PDE3A: variants seen among roughly 807,000 people sequenced by gnomAD.
PDE3A encodes the protein phosphodiesterase 3A.
In PDE3A, 43 loss-of-function variants were observed where a neutral mutation model predicts 98.3. The observed-to-expected ratio is 0.44, with a 90% CI of 0.34 to 0.56. The LOEUF is 0.56. Ranked by LOEUF, PDE3A falls within the 20% of genes least tolerant of loss-of-function variation. The probability of loss-of-function intolerance (pLI) is 0.01; values close to 1 mark genes in which losing one functional copy is unlikely to be tolerated. For synonymous variants in PDE3A, 663 were observed against 567.9 expected, an observed-to-expected ratio of 1.17 and a Z score of -2.38; for missense variants, 1,427 against 1,440.7, an observed-to-expected ratio of 0.99 and a Z score of 0.15.
At chr12:20,518,668 T>C (rs1946365466) in intron 1 of PDE3A, among the ~76,000 whole-genome samples, 1 of 152,228 alleles carries the variant, frequency 6.6e-6, no homozygotes, top group Admixed American at 6.5e-5. Flanking sequence ...CCATCTTTTT[T>C]TCCCCCTTTT....
chr12:20,571,947 A>AAAT lies in PDE3A; in HGVS notation c.1011+15238_1011+15240dup, dbSNP rs1403432128. The AAAT allele has an allele frequency of 2.8e-6, 3 of 1,055,720 alleles. No individual in the cohort carries two copies. In the African/African-American group the frequency reaches 5.2e-5, roughly 18 times the overall value. The allele number at this position is 1,055,720 out of a possible 1,614,324, so 65.4% of individuals were successfully genotyped here. Reference sequence around the variant, plus strand: ...GAATGAGAGTGGGGCATAAAATGGGAAATTTGAGCACACAGAACTTTCATT... The same window carrying AAAT: ...GAATGAGAGTGGGGCATAAAATGGGAAATAATTTGAGCACACAGAACTTTCATT... On this transcript the variant is annotated intron_variant, in intron 2 of 15. Transcript: ENST00000359062.
chr12:20,533,203 G>T (rs1941656850), intron 1 of PDE3A, among the ~76,000 whole-genome samples: 1 of 152,094 alleles, frequency 6.6e-6, no homozygotes, highest in Non-Finnish European at 1.5e-5. Context: ...TTTTTTTCAA[G>T]ATAGTTATTT....
intron 1 of PDE3A, among the ~76,000 whole-genome samples, chr12:20,421,611 A>C (rs1944512977): frequency 6.6e-6 from 1 of 151,392 alleles, no homozygotes; most frequent in Non-Finnish European, 1.5e-5. Flanking sequence ...AAAAAAAAAA[A>C]AAAACCACCC....
intron 1 of PDE3A, among the ~76,000 whole-genome samples, chr12:20,463,537 T>C (rs868236170): frequency 6.6e-6 from 1 of 152,178 alleles, no homozygotes; most frequent in Non-Finnish European, 1.5e-5. Context: ...TGAAGAATCA[T>C]CTAAGCCTAT....
intron 1 of PDE3A, chr12:20,553,121 C>T (rs1224723675): frequency 5.2e-6 from 4 of 773,166 alleles, no homozygotes; most frequent in Non-Finnish European, 8.2e-6. Flanking sequence ...GTGTTTCCTC[C>T]GTTCCCTAAA....
At chr12:20,370,389 G>T (rs181283253) in intron 1 of PDE3A, 145 bp downstream of exon 1, 37 of 425,114 alleles carry the variant, frequency 8.7e-5, no homozygotes, top group Middle Eastern at 6.7e-4. Flanking sequence ...AAACTAGCAG[G>T]TTTTTTTTTT....
At chr12:20,468,443 G>T (rs1046002076) in intron 1 of PDE3A, among the ~76,000 whole-genome samples, 2 of 152,132 alleles carry the variant, frequency 1.3e-5, no homozygotes, top group Non-Finnish European at 2.9e-5. Flanking sequence ...AAGACTGATT[G>T]TAAACATTAA....
intron 2 of PDE3A, among the ~76,000 whole-genome samples, chr12:20,601,361 G>A (rs1353154514): frequency 6.6e-6 from 1 of 152,158 alleles, no homozygotes; most frequent in Non-Finnish European, 1.5e-5. Context: ...GAAGCAGTCA[G>A]GGAAGATGTC....
At chr12:20,466,831 C>T (rs1272917513) in intron 1 of PDE3A, among the ~76,000 whole-genome samples, 1 of 152,142 alleles carries the variant, frequency 6.6e-6, no homozygotes, top group Non-Finnish European at 1.5e-5. Flanking sequence ...GTCCCAGTTA[C>T]TAAAGGTACC....
chr12:20,466,763 C>T (rs1044188252), intron 1 of PDE3A, among the ~76,000 whole-genome samples: 29 of 152,020 alleles, frequency 1.9e-4, no homozygotes, highest in African/African-American at 2.7e-4. Flanking sequence ...GTGTGATAGA[C>T]GAAGTTTGAA....
chr12:20,404,273 G>A (rs1944188319), intron 1 of PDE3A, among the ~76,000 whole-genome samples: 3 of 151,878 alleles, frequency 2.0e-5, no homozygotes, highest in Non-Finnish European at 4.4e-5. Flanking sequence ...TATCTCAGGG[G>A]GGATATATTA....
At chr12:20,539,466 A>T (rs942396470) in intron 1 of PDE3A, among the ~76,000 whole-genome samples, 2 of 152,158 alleles carry the variant, frequency 1.3e-5, no homozygotes, top group Non-Finnish European at 2.9e-5. Flanking sequence ...AAATAATTAC[A>T]CAAGGTTATT....
At chr12:20,407,945 A>G (rs1470389961) in intron 1 of PDE3A, among the ~76,000 whole-genome samples, 1 of 151,964 alleles carries the variant, frequency 6.6e-6, no homozygotes, top group East Asian at 1.9e-4. Flanking sequence ...TTTGAGACTA[A>G]ATGTTGCTCT....
intron 1 of PDE3A, among the ~76,000 whole-genome samples, chr12:20,383,930 G>A (rs1052558970): frequency 1.3e-5 from 2 of 151,894 alleles, no homozygotes; most frequent in Non-Finnish European, 1.5e-5. Flanking sequence ...TAGGTGTTAC[G>A]ATGTAAGAAG....
chr12:20,431,668 A>G (rs984251181), intron 1 of PDE3A, among the ~76,000 whole-genome samples: 13 of 151,872 alleles, frequency 8.6e-5, no homozygotes, highest in Admixed American at 4.6e-4. Context: ...CCTCACTGCT[A>G]TTTTGACGTA....
At chr12:20,545,429 A>G (rs935041712) in intron 1 of PDE3A, among the ~76,000 whole-genome samples, 5 of 152,022 alleles carry the variant, frequency 3.3e-5, no homozygotes, top group South Asian at 2.1e-4. Flanking sequence ...TTGAAATGCT[A>G]AGAATCAGAA....
At chr12:20,507,433 T>C (rs1159915735) in intron 1 of PDE3A, among the ~76,000 whole-genome samples, 1 of 152,076 alleles carries the variant, frequency 6.6e-6, no homozygotes, top group Non-Finnish European at 1.5e-5. Flanking sequence ...AATTGACCAG[T>C]GAATGCTTTA....
At chr12:20,528,050 T>C (rs537876103) in intron 1 of PDE3A, among the ~76,000 whole-genome samples, 7 of 152,284 alleles carry the variant, frequency 4.6e-5, no homozygotes, top group East Asian at 1.9e-4. Flanking sequence ...CCCAGTCCTT[T>C]TGAGCAGGTT....
intron 6 of PDE3A, among the ~76,000 whole-genome samples, chr12:20,631,411 T>C (rs1051438306): frequency 6.6e-6 from 1 of 152,232 alleles, no homozygotes; most frequent in Non-Finnish European, 1.5e-5. Flanking sequence ...ATTTAGTGTT[T>C]TCTGAATTTA....
Sources: gnomAD v4.1 joint callset for allele counts (sites outside exome capture counted in the v4.1 genomes callset) on GRCh38, gnomAD v4.1.1 for gene constraint, MANE v1.5 for transcripts, NCBI Gene and HGNC (gene_info 2026-07-23, HGNC 2026-07-21) for gene names.